Variants in PCGF5 observed in about 807,000 individuals in gnomAD.
PCGF5 encodes the protein polycomb group ring finger 5, also known as polycomb group RING finger protein 5.
A neutral mutation model predicts 44.3 loss-of-function variants in PCGF5; 9 were observed. That is an observed-to-expected ratio of 0.20 (90% confidence interval 0.12 to 0.35). The LOEUF is 0.35. Ranked by LOEUF, PCGF5 falls within the 10% of genes least tolerant of loss-of-function variation. PCGF5 has a pLI of 1.00. For synonymous variants in PCGF5, 95 were observed against 102.5 expected (o/e 0.93, Z 0.44); for missense variants, 146 against 305.3 (o/e 0.48, Z 3.89).
rs1331247830 is a variant in PCGF5, at chr10:91,280,150, T to C, written c.*1834T>C. 2 of 152,052 alleles carry C rather than the reference T, an allele frequency of 1.3e-5. No individual in the cohort carries two copies. Among genetic ancestry groups the C allele is most frequent in the African/African-American group, 4.8e-5 (2 of 41,444 alleles). The allele number at this position is 152,052 out of a possible 1,614,324, so 9.4% of individuals were successfully genotyped here. On this transcript the variant is annotated 3_prime_UTR_variant, in exon 10 of 10. Transcript: ENST00000336126. ...ATGGCTGAAAAAACTGAATTTACTATCTAGCTACAGAAATTATTTTTCTAT... is the reference window on the plus strand; with the variant it reads ...ATGGCTGAAAAAACTGAATTTACTACCTAGCTACAGAAATTATTTTTCTAT...
intron 2 of PCGF5, among the ~76,000 whole-genome samples, chr10:91,225,979 G>A (rs1379191078): frequency 2.0e-5 from 3 of 151,956 alleles, no homozygotes; most frequent in Non-Finnish European, 4.4e-5. Context: ...TGGAAAGGCA[G>A]AAAGTGAGAA....
chr10:91,225,038 C>T (rs1016747336), intron 2 of PCGF5, among the ~76,000 whole-genome samples: 2 of 151,788 alleles, frequency 1.3e-5, no homozygotes, highest in African/African-American at 4.8e-5. Context: ...CACAAACTCT[C>T]GCATTTCTAT....
At chr10:91,201,992 G>C (rs570002016) in intron 1 of PCGF5, among the ~76,000 whole-genome samples, 1 of 152,208 alleles carries the variant, frequency 6.6e-6, no homozygotes, top group Non-Finnish European at 1.5e-5. Flanking sequence ...TCCTGGACTT[G>C]GGAGCTACAC....
intron 8 of PCGF5, among the ~76,000 whole-genome samples, chr10:91,268,236 C>G (rs1190679747): frequency 6.6e-6 from 1 of 152,076 alleles, no homozygotes; most frequent in Non-Finnish European, 1.5e-5. Context: ...ATCTAAAACC[C>G]TCCAGTTGTC....
At chr10:91,169,571 A>G (rs1322590975) in intron 1 of PCGF5, among the ~76,000 whole-genome samples, 3 of 152,266 alleles carry the variant, frequency 2.0e-5, no homozygotes, top group Non-Finnish European at 4.4e-5. Flanking sequence ...ATATACATCT[A>G]ACAAAATATG....
chr10:91,253,885 A>G (rs987870538), intron 6 of PCGF5, among the ~76,000 whole-genome samples: 2 of 152,038 alleles, frequency 1.3e-5, no homozygotes, highest in Admixed American at 6.6e-5. Context: ...CTTATTCATT[A>G]TAGCACTAAA....
intron 9 of PCGF5, among the ~76,000 whole-genome samples, chr10:91,274,928 T>G (rs1348467447): frequency 6.6e-6 from 1 of 152,196 alleles, no homozygotes; most frequent in Non-Finnish European, 1.5e-5. Context: ...CAATTCTACC[T>G]CACATTTTAT....
chr10:91,233,518 G>A (rs759454256), intron 2 of PCGF5, among the ~76,000 whole-genome samples: 29 of 152,120 alleles, frequency 1.9e-4, no homozygotes, highest in Non-Finnish European at 3.1e-4. Context: ...AGAAAGAAAC[G>A]TGCCAATATA....
chr10:91,221,341 C>T (rs1844673508), intron 1 of PCGF5, among the ~76,000 whole-genome samples: 1 of 152,166 alleles, frequency 6.6e-6, no homozygotes, highest in Non-Finnish European at 1.5e-5. Flanking sequence ...AGTTTCATGG[C>T]AAACCTGTGG....
intron 2 of PCGF5, among the ~76,000 whole-genome samples, chr10:91,233,798 G>T (rs1168036814): frequency 1.3e-5 from 2 of 152,154 alleles, no homozygotes; most frequent in Admixed American, 6.5e-5. Flanking sequence ...CAAGAAATGT[G>T]TATGAAGATT....
chr10:91,269,748 C>T (rs895962832), intron 8 of PCGF5, among the ~76,000 whole-genome samples: 2 of 152,142 alleles, frequency 1.3e-5, no homozygotes, highest in African/African-American at 4.8e-5. Context: ...CATTTTCTGA[C>T]ATCCTCCCCA....
chr10:91,156,770 C>A, the PCGF5 span, among the ~76,000 whole-genome samples: 54 of 152,280 alleles, frequency 3.5e-4, no homozygotes, highest in Non-Finnish European at 6.2e-4. Context: ...TGGTACCCAC[C>A]ACATTTAATT....
At chr10:91,227,354 A>G (rs1035429551) in intron 2 of PCGF5, 16 of 1,166,790 alleles carry the variant, frequency 1.4e-5, no homozygotes, top group Non-Finnish European at 1.8e-5. Context: ...ATCCTACTGG[A>G]TGTCCACTTG....
chr10:91,261,477 A>G, intron 7 of PCGF5, 53 bp downstream of exon 7: 1 of 1,358,104 alleles, frequency 7.4e-7, no homozygotes, highest in Non-Finnish European at 9.6e-7. Flanking sequence ...GATTTGAAGT[A>G]AAATTCTAAC....
At chr10:91,165,878 C>T (rs1412360136) in intron 1 of PCGF5, among the ~76,000 whole-genome samples, 1 of 152,090 alleles carries the variant, frequency 6.6e-6, no homozygotes, top group Non-Finnish European at 1.5e-5. Context: ...TGTTAATTAG[C>T]CCCAGTCTTG....
rs553793222 is a variant in PCGF5, at chr10:91,260,865, C to T, written c.475-461C>T. Among the ~76,000 whole-genome samples the T allele has an allele frequency of 2.0e-5, 3 of 151,442 alleles. No individual in the cohort carries two copies. In the East Asian group the frequency reaches 5.8e-4, roughly 29 times the overall value. On this transcript the variant is annotated intron_variant, in intron 6 of 9. Transcript: ENST00000336126. The stretch of plus-strand genomic sequence containing the variant: ...AGGAGATATACCTAATGCTAAATGA[C>T]CAGTTAATGGGTGCAGCACACCAAC...
chr10:91,268,490 G>T (rs950900968), intron 8 of PCGF5, among the ~76,000 whole-genome samples: 3 of 152,050 alleles, frequency 2.0e-5, no homozygotes, highest in Non-Finnish European at 2.9e-5. Context: ...ATCTTTGCGG[G>T]TTTTTTATTC....
intron 1 of PCGF5, among the ~76,000 whole-genome samples, chr10:91,194,088 A>G (rs58364744): frequency 0.046 from 6,996 of 152,250 alleles, 475 homozygotes; most frequent in African/African-American, 0.16. Flanking sequence ...CAGCTTGGAC[A>G]TACTGAGTGT....
chr10:91,211,566 G>A (rs890083310), intron 1 of PCGF5, among the ~76,000 whole-genome samples: 13 of 152,174 alleles, frequency 8.5e-5, no homozygotes, highest in African/African-American at 2.9e-4. Flanking sequence ...ACCAACTTAG[G>A]TATCAGGTTC....
Sources: gnomAD v4.1 joint callset for allele counts (sites outside exome capture counted in the v4.1 genomes callset) on GRCh38, gnomAD v4.1.1 for gene constraint, MANE v1.5 for transcripts, NCBI Gene and HGNC (gene_info 2026-07-23, HGNC 2026-07-21) for gene names.